The following RAB10 variants were observed in gnomAD, a reference collection of about 807,000 sequenced individuals.
RAB10 encodes ras-related protein Rab-10.
Under a neutral mutation model 25.7 loss-of-function variants are expected in RAB10, and 5 were observed. That is an observed-to-expected ratio of 0.19 (90% CI 0.10 to 0.41). RAB10 has a LOEUF of 0.41. RAB10 is among the 10% of genes least tolerant of loss of function. The pLI is 1.00. For synonymous variants in RAB10, 89 were observed against 86.4 expected, an observed-to-expected ratio of 1.03 and a Z score of -0.16; for missense variants, 103 against 245.8, an observed-to-expected ratio of 0.42 and a Z score of 3.89.
At chr2:26,050,131 A>G (rs1269637660) in intron 1 of RAB10, among the ~76,000 whole-genome samples, 3 of 152,212 alleles carry the variant, frequency 2.0e-5, no homozygotes, top group African/African-American at 4.8e-5. Flanking sequence ...GCCTTTGAGC[A>G]TATCATCCTA....
At position 26,135,620 on chromosome 2, in the gene RAB10, A is replaced by C. The variant is rs1236358511; in HGVS notation, c.*599A>C. The C allele has an allele frequency of 6.6e-6, 1 of 152,656 alleles. No individual in the cohort carries two copies. Among genetic ancestry groups the C allele is most frequent in the Admixed American group, 6.5e-5 (1 of 15,286 alleles). The allele number at this position is 152,656 out of a possible 1,614,324, so 9.5% of individuals were successfully genotyped here. A position where few individuals can be genotyped will look rare whatever the true frequency, so the allele number is the denominator to read the frequency against. On this transcript the variant is annotated 3_prime_UTR_variant, in exon 6 of 6. Transcript: ENST00000264710. ...ACATATCATCCAAACATAAACCATT[A>C]AAATGTTTGTGGTTTGCTTGGCTGT... is the stretch of plus-strand genomic sequence containing the variant.
chr2:26,091,979 C>G (rs1276702730), intron 1 of RAB10, among the ~76,000 whole-genome samples: 1 of 152,012 alleles, frequency 6.6e-6, no homozygotes, highest in Non-Finnish European at 1.5e-5. Flanking sequence ...CGAGACCAGC[C>G]TGGCCAACAT....
At chr2:26,066,585 G>A (rs1666515714) in intron 1 of RAB10, among the ~76,000 whole-genome samples, 1 of 152,060 alleles carries the variant, frequency 6.6e-6, no homozygotes, top group African/African-American at 2.4e-5. Context: ...GCAGGAGAGA[G>A]AATGAGAGGA....
chr2:26,088,991 A>G (rs1667046994), intron 1 of RAB10, among the ~76,000 whole-genome samples: 1 of 152,224 alleles, frequency 6.6e-6, no homozygotes. Flanking sequence ...AGTACACACT[A>G]ATGAAACCAT....
In RAB10 at chr2:26,109,267, C is replaced by A. The variant is rs116030960; in HGVS notation, c.189-501C>A. 7.9e-3 allele frequency among the ~76,000 whole-genome samples: 1,203 copies of A among 152,068 alleles called. 23 individuals carry two copies. Among genetic ancestry groups the A allele is most frequent in the African/African-American group, 0.028 (1,149 of 41,478 alleles). ...CATGTTTGTAAGCTGATGAGATGAT[C>A]CATAAAAGAGCAAAATGATGATACA... On this transcript the variant is annotated intron_variant, in intron 2 of 5. Coordinates refer to ENST00000264710, the MANE Select transcript of RAB10 (RefSeq NM_016131.5).
intron 3 of RAB10, among the ~76,000 whole-genome samples, chr2:26,115,745 A>G (rs1667670863): frequency 6.6e-6 from 1 of 152,146 alleles, no homozygotes; most frequent in South Asian, 2.1e-4. Flanking sequence ...TAAATTATAA[A>G]CTCAAAACTG....
chr2:26,078,016 A>G (rs1361137038), intron 1 of RAB10, among the ~76,000 whole-genome samples: 2 of 152,288 alleles, frequency 1.3e-5, no homozygotes, highest in Non-Finnish European at 2.9e-5. Context: ...TCTGTAGATG[A>G]GATATACAAA....
intron 1 of RAB10, among the ~76,000 whole-genome samples, chr2:26,066,692 G>A (rs1049660741): frequency 6.6e-6 from 1 of 151,876 alleles, no homozygotes; most frequent in African/African-American, 2.4e-5. Flanking sequence ...ACCTCCCACC[G>A]GGTCCTTCCC....
intron 1 of RAB10, among the ~76,000 whole-genome samples, chr2:26,058,524 A>G (rs1190174837): frequency 6.6e-6 from 1 of 152,010 alleles, no homozygotes; most frequent in Non-Finnish European, 1.5e-5. Flanking sequence ...CAGCCTCCTA[A>G]GTAGCTAGGA....
intron 1 of RAB10, among the ~76,000 whole-genome samples, chr2:26,083,273 C>CATAGAAAAT: frequency 6.6e-6 from 1 of 152,092 alleles, no homozygotes; most frequent in Non-Finnish European, 1.5e-5. Context: ...AAATAACCTA[C>CATAGAAAAT]CTTCTCCACA....
chr2:26,056,697 A>G (rs1419933318), intron 1 of RAB10, among the ~76,000 whole-genome samples: 1 of 152,118 alleles, frequency 6.6e-6, no homozygotes, highest in Non-Finnish European at 1.5e-5. Context: ...GTGTGATCAT[A>G]ACTCACTGTA....
intron 1 of RAB10, among the ~76,000 whole-genome samples, chr2:26,069,882 T>C (rs1470948862): frequency 6.6e-6 from 1 of 151,934 alleles, no homozygotes; most frequent in Admixed American, 6.6e-5. Context: ...ATTTTTGTGT[T>C]TTTAATAGAG....
intron 3 of RAB10, among the ~76,000 whole-genome samples, chr2:26,119,586 A>G (rs994387372): frequency 3.3e-5 from 5 of 152,058 alleles, no homozygotes; most frequent in African/African-American, 7.2e-5. Context: ...CAGTGGCACA[A>G]TCACAGCTTA....
chr2:26,127,109 G>A (rs760233666), intron 3 of RAB10, 35 bp from the exon 4 acceptor site: 8 of 1,440,582 alleles, frequency 5.6e-6, no homozygotes, highest in Non-Finnish European at 6.7e-6. Context: ...GTAATTCATG[G>A]TAGTATGTAA....
At chr2:26,093,711 G>C (rs1412813883) in intron 1 of RAB10, among the ~76,000 whole-genome samples, 1 of 152,140 alleles carries the variant, frequency 6.6e-6, no homozygotes, top group Non-Finnish European at 1.5e-5. Context: ...GATGATCAGG[G>C]ATGTCATGTA....
At chr2:26,115,353 A>G (rs922979678) in intron 3 of RAB10, among the ~76,000 whole-genome samples, 6 of 152,182 alleles carry the variant, frequency 3.9e-5, no homozygotes, top group African/African-American at 7.2e-5. Context: ...ACATCCATCA[A>G]CTGATGAATG....
At chr2:26,071,021 G>T (rs1666614069) in intron 1 of RAB10, among the ~76,000 whole-genome samples, 3 of 152,102 alleles carry the variant, frequency 2.0e-5, no homozygotes, top group Admixed American at 2.0e-4. Context: ...GAACCAAGCT[G>T]GACTAGTAGT....
At chr2:26,104,548 T>C (rs1667429216) in intron 2 of RAB10, among the ~76,000 whole-genome samples, 1 of 152,174 alleles carries the variant, frequency 6.6e-6, no homozygotes, top group Non-Finnish European at 1.5e-5. Flanking sequence ...TCACCTTGTA[T>C]TGTTCGCTGA....
chr2:26,129,928 T>C (rs188109634), intron 5 of RAB10, among the ~76,000 whole-genome samples: 1 of 152,352 alleles, frequency 6.6e-6, no homozygotes, highest in African/African-American at 2.4e-5. Flanking sequence ...TGAAGTGATC[T>C]CATTTTTCAA....
Sources: allele counts gnomAD v4.1 joint callset (sites outside exome capture counted in the v4.1 genomes callset), GRCh38; gene constraint gnomAD v4.1.1; transcripts MANE v1.5; gene names NCBI Gene and HGNC (gene_info 2026-07-23, HGNC 2026-07-21).